RALYL: variants seen among roughly 807,000 people sequenced by gnomAD.
RALYL encodes RALY RNA binding protein like.
RALYL carries 29 observed loss-of-function variants against 35.1 expected under a neutral mutation model. The ratio of observed to expected loss-of-function variants is 0.83; its 90% CI spans 0.61 to 1.13. The LOEUF (loss-of-function observed/expected upper bound fraction) is 1.13. Ranked by LOEUF, RALYL falls within the 50% of genes most tolerant of loss-of-function variation. The pLI is 0.00. For synonymous variants in RALYL, 120 were observed against 127.6 expected (o/e 0.94, Z 0.40); for missense variants, 359 against 360.4 (o/e 1.00, Z 0.03).
At chr8:84,545,013 GAA>G (rs2060262325) in intron 2 of RALYL, among the ~76,000 whole-genome samples, 1 of 151,696 alleles carries the variant, frequency 6.6e-6, no homozygotes, top group Non-Finnish European at 1.5e-5. Flanking sequence ...TCATATTTCT[GAA>G]AAAAATTCCC....
At chr8:84,580,931 T>C (rs1178579195) in intron 2 of RALYL, among the ~76,000 whole-genome samples, 1 of 152,136 alleles carries the variant, frequency 6.6e-6, no homozygotes, top group Non-Finnish European at 1.5e-5. Flanking sequence ...TGGCTCAATA[T>C]CTGGGATCTA....
chr8:84,442,735 T>C (rs1016401105), intron 1 of RALYL, among the ~76,000 whole-genome samples: 9 of 152,114 alleles, frequency 5.9e-5, no homozygotes, highest in African/African-American at 2.2e-4. Context: ...ATTGTTTTTG[T>C]ATTGGAAAGA....
chr8:84,471,901 TAAAC>T (rs940447930), intron 1 of RALYL, among the ~76,000 whole-genome samples: 1 of 152,218 alleles, frequency 6.6e-6, no homozygotes, highest in African/African-American at 2.4e-5. Context: ...GTTATATAAA[TAAAC>T]TTGGTAATCC....
chr8:84,490,509 TAA>T (rs774252964), intron 1 of RALYL, among the ~76,000 whole-genome samples: 1 of 151,956 alleles, frequency 6.6e-6, no homozygotes, highest in Non-Finnish European at 1.5e-5. Context: ...TTGGAACTGT[TAA>T]AAACTGTTAA....
intron 2 of RALYL, among the ~76,000 whole-genome samples, chr8:84,698,288 T>G (rs1052051714): frequency 6.6e-6 from 1 of 152,130 alleles, no homozygotes; most frequent in African/African-American, 2.4e-5. Flanking sequence ...TTTTTATGAT[T>G]CCATTTAGCT....
intron 1 of RALYL, among the ~76,000 whole-genome samples, chr8:84,457,657 T>C (rs1242710591): frequency 6.6e-6 from 1 of 151,886 alleles, no homozygotes; most frequent in Non-Finnish European, 1.5e-5. Flanking sequence ...ACGCCTTGTC[T>C]TAACCTCAGT....
chr8:84,615,570 C>CTTTTTTTTTTTTTTTTTTTT (rs60428128), intron 2 of RALYL, among the ~76,000 whole-genome samples: 31 of 67,388 alleles, frequency 4.6e-4, no homozygotes, highest in Non-Finnish European at 6.2e-4. Flanking sequence ...GAACTTTCGT[C>CTTTTTTTTTTTTTTTTTTTT]TTTTTTTTTT....
chr8:84,868,444 CA>C (rs758113099), intron 6 of RALYL, among the ~76,000 whole-genome samples: 1 of 152,180 alleles, frequency 6.6e-6, no homozygotes, highest in Non-Finnish European at 1.5e-5. Flanking sequence ...TCTCCTGCCT[CA>C]GCCTCCTAAA....
Position 84,873,404 on chromosome 8 carries a change from G to C in RALYL, c.685+7G>C. The C allele has an allele frequency of 6.6e-7, 1 of 1,514,276 alleles. No homozygotes were observed. The highest frequency in any genetic ancestry group is 1.7e-4 in the Middle Eastern group (1 of 5,876). 93.8% of individuals were successfully genotyped at this position (1,514,276 alleles called of 1,614,324 possible). On this transcript the variant is annotated splice_region_variant and intron_variant, in intron 7 of 8. Coordinates refer to ENST00000521268, the MANE Select transcript of RALYL (RefSeq NM_173848.7). ...CAGCAGAAGGCGGAGGCAGGTAAGT[G>C]ATCTCTGATCACAGACAGGTCAGAA...
At chr8:84,571,415 G>T (rs1390486066) in intron 2 of RALYL, among the ~76,000 whole-genome samples, 1 of 151,704 alleles carries the variant, frequency 6.6e-6, no homozygotes, top group Non-Finnish European at 1.5e-5. Context: ...GGTGTTCATA[G>T]TAGTCTCTGA....
At chr8:84,598,294 G>A (rs903659335) in intron 2 of RALYL, among the ~76,000 whole-genome samples, 24 of 152,012 alleles carry the variant, frequency 1.6e-4, no homozygotes, top group East Asian at 5.8e-4. Context: ...TTAGCCTCCC[G>A]CTACAGATGT....
intron 1 of RALYL, among the ~76,000 whole-genome samples, chr8:84,422,820 CA>C (rs2045832241): frequency 1.4e-5 from 2 of 146,176 alleles, no homozygotes; most frequent in Admixed American, 1.4e-4. Flanking sequence ...AGTAGTCATT[CA>C]GGAGCAGGTT....
intron 2 of RALYL, among the ~76,000 whole-genome samples, chr8:84,744,058 G>A (rs145824943): frequency 1.1e-4 from 17 of 152,032 alleles, no homozygotes; most frequent in African/African-American, 3.9e-4. Flanking sequence ...TAATACCTCT[G>A]AACTGTACAC....
At chr8:84,444,136 C>T (rs2048619683) in intron 1 of RALYL, among the ~76,000 whole-genome samples, 2 of 152,066 alleles carry the variant, frequency 1.3e-5, no homozygotes, top group Admixed American at 6.5e-5. Context: ...TGAGACCAGC[C>T]TGGGCAACAT....
intron 1 of RALYL, among the ~76,000 whole-genome samples, chr8:84,399,704 A>G: frequency 6.6e-6 from 1 of 152,326 alleles, no homozygotes; most frequent in East Asian, 1.9e-4. Flanking sequence ...ATTACATTGT[A>G]ATTACATTGT....
At chr8:84,918,481 C>A (rs372800321) in intron 8 of RALYL, among the ~76,000 whole-genome samples, 1 of 151,962 alleles carries the variant, frequency 6.6e-6, no homozygotes, top group African/African-American at 2.4e-5. Flanking sequence ...CATTCATCAT[C>A]AGGAGAATTT....
intron 4 of RALYL, among the ~76,000 whole-genome samples, chr8:84,841,673 C>T (rs1376624419): frequency 6.6e-6 from 1 of 152,210 alleles, no homozygotes; most frequent in Admixed American, 6.5e-5. Context: ...ACATTCTTCT[C>T]ATCACCACAC....
At chr8:84,497,959 T>G (rs2056253622) in intron 1 of RALYL, among the ~76,000 whole-genome samples, 1 of 388 alleles carries the variant, frequency 2.6e-3, no homozygotes, top group African/African-American at 0.022. Context: ...CTTTTTAAGT[T>G]TTTTTTTTTT....
intron 1 of RALYL, among the ~76,000 whole-genome samples, chr8:84,243,458 T>G (rs1168910287): frequency 6.6e-6 from 1 of 151,640 alleles, no homozygotes; most frequent in Non-Finnish European, 1.5e-5. Flanking sequence ...TTCCTATCCA[T>G]GAGCATGGAA....
Sources: allele counts gnomAD v4.1 joint callset (sites outside exome capture counted in the v4.1 genomes callset), GRCh38; gene constraint gnomAD v4.1.1; transcripts MANE v1.5; gene names NCBI Gene and HGNC (gene_info 2026-07-23, HGNC 2026-07-21).